The following NTN4 variants were observed in gnomAD, a reference collection of about 807,000 sequenced individuals.
NTN4 encodes the protein netrin 4.
Under a neutral mutation model 73.6 loss-of-function variants are expected in NTN4, and 32 were observed. The observed-to-expected ratio is 0.44, with a 90% confidence interval of 0.33 to 0.58. The LOEUF is 0.58. Among genes scored for constraint, NTN4 ranks in the 20% least tolerant of loss-of-function variants. The pLI, the probability that NTN4 is intolerant of heterozygous loss-of-function variation, is 0.04. For synonymous variants in NTN4, 258 were observed against 287.5 expected (o/e 0.90, Z 1.04); for missense variants, 654 against 798.3 (o/e 0.82, Z 2.18).
At chr12:95,725,399 G>A (rs1490447092) in intron 3 of NTN4, among the ~76,000 whole-genome samples, 2 of 152,104 alleles carry the variant, frequency 1.3e-5, no homozygotes, top group Admixed American at 1.3e-4. Context: ...GGATTATTAA[G>A]TACTTTTCAC....
intron 2 of NTN4, among the ~76,000 whole-genome samples, chr12:95,742,661 G>A (rs753010436): frequency 6.6e-6 from 1 of 152,172 alleles, no homozygotes; most frequent in African/African-American, 2.4e-5. Flanking sequence ...CTTGGAACTC[G>A]TTCCTTCCAT....
chr12:95,777,809 ACT>A (rs1222125486), intron 2 of NTN4, among the ~76,000 whole-genome samples: 3 of 152,216 alleles, frequency 2.0e-5, no homozygotes, highest in East Asian at 1.9e-4. Flanking sequence ...CTCTGCACCA[ACT>A]GGACCTAATA....
At chr12:95,729,632 AGT>A (rs758891542) in intron 3 of NTN4, among the ~76,000 whole-genome samples, 24,925 of 123,384 alleles carry the variant, frequency 0.2, 2,349 homozygotes, top group Non-Finnish European at 0.25. Flanking sequence ...AGAGAGAGAG[AGT>A]GTGTGTGTGT....
intron 5 of NTN4, among the ~76,000 whole-genome samples, chr12:95,699,208 G>GT (rs1367318824): frequency 6.6e-6 from 1 of 152,122 alleles, no homozygotes; most frequent in East Asian, 1.9e-4. Context: ...ATGAACTCAC[G>GT]TGACTTTGCC....
chr12:95,700,765 T>G (rs2078478562), intron 5 of NTN4, among the ~76,000 whole-genome samples: 1 of 151,150 alleles, frequency 6.6e-6, no homozygotes, highest in Admixed American at 6.6e-5. Context: ...ATTCTCTTTT[T>G]TCTTTCTTTC....
chr12:95,703,605 AT>A (rs1476993925), intron 5 of NTN4, among the ~76,000 whole-genome samples: 1 of 152,172 alleles, frequency 6.6e-6, no homozygotes, highest in Non-Finnish European at 1.5e-5. Context: ...TGATTAATTT[AT>A]TTCCTAAATT....
chr12:95,754,798 C>T (rs1008319441), intron 2 of NTN4, among the ~76,000 whole-genome samples: 22 of 152,244 alleles, frequency 1.4e-4, no homozygotes, highest in East Asian at 3.9e-4. Context: ...ACTCTCTTTT[C>T]GGACTCAGCC....
At chr12:95,771,382 C>T (rs1353653356) in intron 2 of NTN4, among the ~76,000 whole-genome samples, 9 of 152,066 alleles carry the variant, frequency 5.9e-5, no homozygotes, top group African/African-American at 1.9e-4. Context: ...GTTGGTTTTC[C>T]CTTGTCCTCC....
chr12:95,766,110 C>A (rs1299735267), intron 2 of NTN4, among the ~76,000 whole-genome samples: 2 of 152,182 alleles, frequency 1.3e-5, no homozygotes, highest in South Asian at 4.1e-4. Flanking sequence ...CTCTGCCTTC[C>A]TTTTCTTTGG....
At chr12:95,693,464 C>T (rs2121026977) in intron 5 of NTN4, among the ~76,000 whole-genome samples, 1 of 152,142 alleles carries the variant, frequency 6.6e-6, no homozygotes, top group South Asian at 2.1e-4. Flanking sequence ...GGTGCGGAAG[C>T]TCATGCCTGT....
rs1040436476 is a variant in NTN4 at position 95,790,180 on chromosome 12, T to C, written c.55+75A>G. 4 of 1,358,622 alleles carry C rather than the reference T, an allele frequency of 2.9e-6. No homozygotes were observed. The African/African-American group carries it at 4.5e-5, about 15-fold the overall frequency. 84.2% of individuals were successfully genotyped at this position (1,358,622 alleles called of 1,614,324 possible). A position where few individuals can be genotyped will look rare whatever the true frequency, so the allele number is the denominator to read the frequency against. ...TCTGCGCTCGCAGCCCTGGCTCCCC[T>C]GCACCCCCGAGTCCCGAGATGGGTT... On this transcript the variant is annotated intron_variant, in intron 1 of 9. Coordinates refer to ENST00000343702, the MANE Select transcript of NTN4 (RefSeq NM_021229.4). The surrounding 1 kb of genome is among the most constrained non-coding windows in gnomAD (Gnocchi z 6.5).
chr12:95,749,313 C>A lies in NTN4; in HGVS notation c.586-11169G>T, dbSNP rs2078886418. 2.0e-5 allele frequency among the ~76,000 whole-genome samples: 3 copies of A among 152,220 alleles called. No homozygotes were observed. The South Asian group carries it at 6.2e-4, about 32-fold the overall frequency. The stretch of plus-strand genomic sequence containing the variant: ...GGTGCTGTGACTCGAATTGGGGGAC[C>A]TCCCTTGGGAGATCAATCCGCTGTA... On this transcript the variant is annotated intron_variant, in intron 2 of 9. Transcript: ENST00000343702.
intron 3 of NTN4, among the ~76,000 whole-genome samples, chr12:95,736,728 G>A (rs968634835): frequency 1.3e-5 from 2 of 152,118 alleles, no homozygotes; most frequent in African/African-American, 4.8e-5. Context: ...TCAACTCTGG[G>A]AGCCTGGATT....
At chr12:95,699,118 C>CAT (rs1361881740) in intron 5 of NTN4, among the ~76,000 whole-genome samples, 2 of 151,204 alleles carry the variant, frequency 1.3e-5, no homozygotes, top group South Asian at 4.2e-4. Context: ...ACAGTTACTT[C>CAT]ATATTGATTC....
rs1425961210 is a variant in NTN4 at position 95,737,981 on chromosome 12, T to C, written c.749A>G (p.His250Arg). The part of the protein sequence containing the change: ...DLNEEPQHFT[H>R]YAIYDFIVKG... ...GACAATGAAATCATAGATTGCATAG[T>C]GTGTAAAATGTTGAGGCTCTTCGTT... Residue 250 changes from histidine (H) to arginine (R), a missense_variant, in exon 3 of 10, where the codon CAC becomes CGC. By Grantham distance (29) the His-to-Arg change is conservative. Transcript: ENST00000343702. 2.5e-6 allele frequency: 4 copies of C among 1,614,054 alleles called. No homozygotes were observed. Among genetic ancestry groups the C allele is most frequent in the Admixed American group, 1.7e-5 (1 of 60,002 alleles).
intron 5 of NTN4, among the ~76,000 whole-genome samples, chr12:95,709,524 C>T (rs1215569808): frequency 1.4e-5 from 2 of 139,866 alleles, no homozygotes; most frequent in African/African-American, 2.6e-5. Flanking sequence ...CTTCCTTTCT[C>T]TCTCTCTCTC....
chr12:95,764,024 G>A (rs1443349829), intron 2 of NTN4, among the ~76,000 whole-genome samples: 4 of 152,190 alleles, frequency 2.6e-5, no homozygotes, highest in African/African-American at 9.7e-5. Context: ...AGAGTGTTTT[G>A]ATATGACCTG....
chr12:95,685,345 C>A (rs2078353467), intron 5 of NTN4, among the ~76,000 whole-genome samples: 1 of 152,174 alleles, frequency 6.6e-6, no homozygotes, highest in East Asian at 1.9e-4. Context: ...TTTCATCTTC[C>A]CACTGCTTTC....
At chr12:95,719,424 A>T (rs1343842475) in intron 3 of NTN4, among the ~76,000 whole-genome samples, 1 of 152,190 alleles carries the variant, frequency 6.6e-6, no homozygotes, top group East Asian at 1.9e-4. Context: ...GCTATGACAC[A>T]TAATTTAGAG....
Sources: gnomAD v4.1 joint callset for allele counts (sites outside exome capture counted in the v4.1 genomes callset) on GRCh38, gnomAD v4.1.1 for gene constraint, Gnocchi (gnomAD v3.1) non-coding constraint, MANE v1.5 for transcripts, NCBI Gene and HGNC (gene_info 2026-07-23, HGNC 2026-07-21) for gene names.